The following CACNA2D4 variants were observed in gnomAD, a reference collection of about 807,000 sequenced individuals.
CACNA2D4 encodes the protein calcium voltage-gated channel auxiliary subunit alpha2delta 4.
A neutral mutation model predicts 163.8 loss-of-function variants in CACNA2D4; 157 were observed. That is an observed-to-expected ratio of 0.96 (90% CI 0.84 to 1.09). The LOEUF (loss-of-function observed/expected upper bound fraction) is 1.09. CACNA2D4 is among the 50% of genes least tolerant of loss of function. The probability of loss-of-function intolerance (pLI) is 0.00; values close to 1 mark genes in which losing one functional copy is unlikely to be tolerated. For missense variants in CACNA2D4, 1,410 were observed against 1,479.9 expected (o/e 0.95, Z 0.78); for synonymous variants, 598 against 586.9 (o/e 1.02, Z -0.27).
At chr12:1,807,248 C>T (rs570279975) in intron 29 of CACNA2D4, among the ~76,000 whole-genome samples, 34 of 151,868 alleles carry the variant, frequency 2.2e-4, no homozygotes, top group African/African-American at 8.2e-4. Context: ...GAGGCCTCCG[C>T]CTCACAGCCC....
intron 7 of CACNA2D4, 116 bp from the exon 8 acceptor site, chr12:1,886,489 A>G (rs1866149597): frequency 1.1e-6 from 1 of 904,218 alleles, no homozygotes; most frequent in Non-Finnish European, 1.7e-6. Context: ...CCCAAAGTTC[A>G]GGGCAACCCA....
chr12:1,884,131 G>A, intron 12 of CACNA2D4, 112 bp downstream of exon 12: 1 of 843,772 alleles, frequency 1.2e-6, no homozygotes, highest in Non-Finnish European at 1.9e-6. Context: ...ACATAGCACT[G>A]CTCCTCTTAG....
At chr12:1,822,471 G>A (rs924016771) in intron 26 of CACNA2D4, among the ~76,000 whole-genome samples, 2 of 146,012 alleles carry the variant, frequency 1.4e-5, no homozygotes, top group African/African-American at 5.1e-5. Flanking sequence ...CCCAGCCCCA[G>A]GGACACCACC....
intron 35 of CACNA2D4, chr12:1,796,079 A>G (rs1592644224): frequency 6.1e-6 from 2 of 330,192 alleles, no homozygotes; most frequent in Non-Finnish European, 1.1e-5. Flanking sequence ...CAGGGACGAC[A>G]GGCGTAAATC....
chr12:1,879,082 G>T, intron 14 of CACNA2D4, 46 bp from the exon 15 acceptor site: 2 of 1,531,286 alleles, frequency 1.3e-6, no homozygotes, highest in Non-Finnish European at 1.8e-6. Flanking sequence ...GCTTCCCTGT[G>T]TACAAGGTTA....
rs1383638984 is a variant in CACNA2D4 at position 1,856,244 on chromosome 12, C to A, written c.2009-15G>T. 2 of 1,613,948 alleles carry A rather than the reference C, an allele frequency of 1.2e-6. No individual in the cohort carries two copies. The highest frequency in any genetic ancestry group is 2.7e-5 in the African/African-American group (2 of 75,068). On this transcript the variant is annotated splice_polypyrimidine_tract_variant and intron_variant, in intron 20 of 37. Transcript: ENST00000382722. ...GTCATGCAGGCCTGAAACCAGAGTC[C>A]ACATTCAGGGTGATGCTCCCTCACT...
At chr12:1,849,982 G>A (rs986588807) in intron 23 of CACNA2D4, among the ~76,000 whole-genome samples, 16 of 152,112 alleles carry the variant, frequency 1.1e-4, no homozygotes, top group Admixed American at 2.6e-4. Context: ...ACTGATGAAC[G>A]TTTGGGTTGT....
intron 22 of CACNA2D4, among the ~76,000 whole-genome samples, chr12:1,854,468 T>A (rs544937624): frequency 2.0e-5 from 3 of 152,120 alleles, no homozygotes; most frequent in Non-Finnish European, 4.4e-5. Flanking sequence ...TACAGTGGCA[T>A]GATCTTGGCT....
In CACNA2D4 at chr12:1,822,687, G is replaced by A. The variant is rs543812492; in HGVS notation, c.2552-10964C>T. On this transcript the variant is annotated intron_variant, in intron 26 of 37. Transcript: ENST00000382722. ...TTTAAAATGAACCAGGAGGGTATATGGCTGTTCCAAGTACAAATATAGAGA... is the reference window on the plus strand; with the variant it reads ...TTTAAAATGAACCAGGAGGGTATATAGCTGTTCCAAGTACAAATATAGAGA... Among the ~76,000 whole-genome samples the A allele has an allele frequency of 5.9e-5, 9 of 152,364 alleles. 1 individual carries two copies. The East Asian group carries it at 1.5e-3, about 26-fold the overall frequency.
chr12:1,822,886 C>T (rs796971284), intron 26 of CACNA2D4, among the ~76,000 whole-genome samples: 1 of 152,270 alleles, frequency 6.6e-6, no homozygotes, highest in African/African-American at 2.4e-5. Flanking sequence ...GTCTTTGGCC[C>T]GGGGCTCTGG....
intron 32 of CACNA2D4, 87 bp from the exon 33 acceptor site, chr12:1,800,139 G>A (rs1439268524): frequency 3.0e-6 from 4 of 1,330,546 alleles, no homozygotes; most frequent in East Asian, 5.0e-5. Context: ...GACAGCCCCC[G>A]GCCCATCCCC....
At position 1,792,358 on chromosome 12, in the gene CACNA2D4, A is replaced by C. The variant is rs917701211; in HGVS notation, c.*1297T>G. 6 of 152,178 alleles carry C rather than the reference A, an allele frequency of 3.9e-5. No individual in the cohort carries two copies. The highest frequency in any genetic ancestry group is 3.3e-4 in the Admixed American group (5 of 15,276). The allele number at this position is 152,178 out of a possible 1,614,324, so 9.4% of individuals were successfully genotyped here. A position where few individuals can be genotyped will look rare whatever the true frequency, so the allele number is the denominator to read the frequency against. The stretch of plus-strand genomic sequence containing the variant: ...GTTTTACAGAGTTGGCATTTGGCCT[A>C]CTCTAGAGGCAAGTTAGGGCTATTT... On this transcript the variant is annotated 3_prime_UTR_variant, in exon 38 of 38. Transcript: ENST00000382722.
chr12:1,874,162 A>G lies in CACNA2D4; in HGVS notation c.1878+442T>C, dbSNP rs1865838121. Among the ~76,000 whole-genome samples the G allele has an allele frequency of 6.6e-6, 1 of 152,254 alleles. No homozygotes were observed. The highest frequency in any genetic ancestry group is 2.4e-5 in the African/African-American group (1 of 41,472). ...TTAGTGAGGGCATTGATTCCTAACT[A>G]TCTGGGAATGACAGTGGATGAAAAT... On this transcript the variant is annotated intron_variant, in intron 18 of 37. Transcript: ENST00000382722. The surrounding 1 kb of genome is among the most constrained non-coding windows in gnomAD (Gnocchi z 4.4).
chr12:1,860,042 G>C, intron 19 of CACNA2D4, 103 bp downstream of exon 19: 1 of 907,920 alleles, frequency 1.1e-6, no homozygotes, highest in Non-Finnish European at 1.8e-6. Flanking sequence ...CCTGGATGCT[G>C]ACCTGGGTCT....
At chr12:1,795,185 C>T (rs767694592) in intron 37 of CACNA2D4, 114 bp downstream of exon 37, 33 of 849,200 alleles carry the variant, frequency 3.9e-5, no homozygotes, top group Admixed American at 6.3e-5. Flanking sequence ...GAAGCACAGG[C>T]ACAGGTGTGT....
Position 1,874,376 on chromosome 12 carries a change from G to A in CACNA2D4, c.1878+228C>T, listed in dbSNP as rs564396111. On this transcript the variant is annotated intron_variant, in intron 18 of 37. Coordinates refer to ENST00000382722, the MANE Select transcript of CACNA2D4 (RefSeq NM_172364.5). The surrounding 1 kb of genome is among the most constrained non-coding windows in gnomAD (Gnocchi z 4.4). ...TGGCCAGCTTTCTCCCCAGCTCAGC[G>A]GTCTCCCAAAAGCCAAGCATTGCAT... is the stretch of plus-strand genomic sequence containing the variant. Among the ~76,000 whole-genome samples, 4 of 152,246 alleles carry A rather than the reference G, an allele frequency of 2.6e-5. No individual in the cohort carries two copies. In the South Asian group the frequency reaches 6.2e-4, roughly 24 times the overall value.
chr12:1,889,326 CAAGT>C (rs999032465), intron 6 of CACNA2D4, among the ~76,000 whole-genome samples: 5 of 152,084 alleles, frequency 3.3e-5, no homozygotes, highest in Non-Finnish European at 7.4e-5. Context: ...TCATTAATTC[CAAGT>C]AAGTGATGTT....
rs1324872836 is a variant in CACNA2D4 at position 1,846,785 on chromosome 12, C to A, written c.2247-96G>T. Reference sequence around the variant, plus strand: ...TTTGGGGGCCTCTCCTTGCTCCTGCCTGGCCTGGCTCAGGGAAGACTTTCC... The same window carrying A: ...TTTGGGGGCCTCTCCTTGCTCCTGCATGGCCTGGCTCAGGGAAGACTTTCC... On this transcript the variant is annotated intron_variant, in intron 23 of 37. Transcript: ENST00000382722. 4 of 998,096 alleles carry A rather than the reference C, an allele frequency of 4.0e-6. No individual in the cohort carries two copies. In the African/African-American group the frequency reaches 4.8e-5, roughly 12 times the overall value. The allele number at this position is 998,096 out of a possible 1,614,324, so 61.8% of individuals were successfully genotyped here. A position where few individuals can be genotyped will look rare whatever the true frequency, so the allele number is the denominator to read the frequency against.
At chr12:1,847,279 G>A (rs114153304) in intron 23 of CACNA2D4, among the ~76,000 whole-genome samples, 2,808 of 152,292 alleles carry the variant, frequency 0.018, 86 homozygotes, top group African/African-American at 0.057. Context: ...TGACCAGGGT[G>A]GGAAGTCATC....
Sources: gnomAD v4.1 joint callset for allele counts (sites outside exome capture counted in the v4.1 genomes callset) on GRCh38, gnomAD v4.1.1 for gene constraint, Gnocchi (gnomAD v3.1) non-coding constraint, MANE v1.5 for transcripts, NCBI Gene and HGNC (gene_info 2026-07-23, HGNC 2026-07-21) for gene names.